SLC9B1: variants seen among roughly 807,000 people sequenced by gnomAD.
The protein encoded by SLC9B1 is solute carrier family 9 member B1, also known as sodium/hydrogen exchanger 9B1.
SLC9B1 carries 32 observed loss-of-function variants against 51.7 expected under a neutral mutation model. The observed-to-expected ratio is 0.62, with a 90% CI of 0.47 to 0.83. The LOEUF (loss-of-function observed/expected upper bound fraction) is 0.83, where lower values mean the gene tolerates loss of function less well. Ranked by LOEUF, SLC9B1 falls within the 40% of genes least tolerant of loss-of-function variation. SLC9B1 has a pLI of 0.00. For missense variants in SLC9B1, 406 were observed against 613.2 expected (o/e 0.66, Z 3.57); for synonymous variants, 145 against 212.7 (o/e 0.68, Z 2.77).
At chr4:103,002,533 T>C (rs1740580344) in intron 1 of SLC9B1, among the ~76,000 whole-genome samples, 1 of 152,202 alleles carries the variant, frequency 6.6e-6, no homozygotes, top group Non-Finnish European at 1.5e-5. Context: ...TTTTGACTTT[T>C]CCATTTTAGA....
intron 4 of SLC9B1, 21 bp from the exon 5 acceptor site, chr4:102,946,810 G>C (rs200006192): frequency 4.5e-6 from 7 of 1,545,998 alleles, no homozygotes; most frequent in Non-Finnish European, 6.1e-6. Context: ...AGAAAATAAA[G>C]ATACATGACA....
downstream of SLC9B1, among the ~76,000 whole-genome samples, chr4:102,898,570 C>T (rs1734645807): frequency 6.6e-6 from 1 of 152,118 alleles, no homozygotes; most frequent in African/African-American, 2.4e-5. Flanking sequence ...TGTGGAATAG[C>T]TCAGAATGTC....
intron 3 of SLC9B1, among the ~76,000 whole-genome samples, chr4:102,988,650 GACAA>G (rs772569976): frequency 6.6e-6 from 1 of 152,018 alleles, no homozygotes; most frequent in African/African-American, 2.4e-5. Context: ...GAGAGAGAGG[GACAA>G]ACAGAGAGAG....
At chr4:102,955,715 T>C (rs548981672) in intron 3 of SLC9B1, among the ~76,000 whole-genome samples, 54 of 151,928 alleles carry the variant, frequency 3.6e-4, no homozygotes, top group Admixed American at 9.9e-4. Flanking sequence ...CAAACCACCA[T>C]GGCACATGTA....
intron 6 of SLC9B1, among the ~76,000 whole-genome samples, chr4:102,938,040 T>A (rs1736809313): frequency 6.6e-6 from 1 of 152,162 alleles, no homozygotes; most frequent in Non-Finnish European, 1.5e-5. Flanking sequence ...TAACTGTGAA[T>A]GTAAACAGTA....
At chr4:102,984,096 A>C (rs1398951438) in intron 3 of SLC9B1, among the ~76,000 whole-genome samples, 1 of 151,622 alleles carries the variant, frequency 6.6e-6, no homozygotes, top group Non-Finnish European at 1.5e-5. Flanking sequence ...CATTTTGTTC[A>C]AAGTACTTGT....
intron 11 of SLC9B1, chr4:102,888,432 C>G (rs1291624987): frequency 6.6e-6 from 1 of 152,146 alleles, no homozygotes; most frequent in African/African-American, 2.4e-5. Flanking sequence ...ATCCCATGCA[C>G]AAATGCTGAT....
rs551009678 is a variant in SLC9B1 at position 102,893,835 on chromosome 4, C to T, written c.1333-8507G>A. Among the ~76,000 whole-genome samples, 4 of 152,162 alleles carry T rather than the reference C, an allele frequency of 2.6e-5. No homozygotes were observed. The East Asian group carries it at 7.7e-4, about 29-fold the overall frequency. On this transcript the variant is annotated intron_variant, in intron 11 of 11. Transcript: ENST00000394789. ...GCTTGAACCCAGGAGGCAGAGGTTG[C>T]AGTGAGCCGAGATCACGCCACTGCA... is the stretch of plus-strand genomic sequence containing the variant.
chr4:102,885,731 G>C (rs981802767), intron 11 of SLC9B1, among the ~76,000 whole-genome samples: 1 of 152,172 alleles, frequency 6.6e-6, no homozygotes, highest in East Asian at 1.9e-4. Context: ...ATGGAAAAAA[G>C]CTTTGGTGTC....
intron 7 of SLC9B1, among the ~76,000 whole-genome samples, chr4:102,924,437 C>CT (rs1176523469): frequency 6.6e-6 from 1 of 152,070 alleles, no homozygotes; most frequent in Admixed American, 6.6e-5. Flanking sequence ...CATGTTAGAC[C>CT]TAAAACCATA....
At position 102,891,272 on chromosome 4, in the gene SLC9B1, T is replaced by C. The variant is rs542850610; in HGVS notation, c.1333-5944A>G. On this transcript the variant is annotated intron_variant, in intron 11 of 11. Coordinates refer to the SLC9B1 transcript ENST00000394789. ...ACTTCACATTGAATTCTAACAAGTT[T>C]GGTTATCTGATTTCTGCTTCTTAAC... 197 of 152,266 alleles carry C rather than the reference T, an allele frequency of 1.3e-3. 1 individual carries two copies. The highest frequency in any genetic ancestry group is 4.6e-3 in the African/African-American group (190 of 41,530). The allele number at this position is 152,266 out of a possible 1,614,324, so 9.4% of individuals were successfully genotyped here.
intron 1 of SLC9B1, among the ~76,000 whole-genome samples, chr4:102,996,460 A>G (rs976504283): frequency 6.6e-6 from 1 of 152,132 alleles, no homozygotes; most frequent in Non-Finnish European, 1.5e-5. Flanking sequence ...CCCATGTAGG[A>G]GAATGTTTAT....
chr4:102,991,529 T>C, intron 2 of SLC9B1, 114 bp downstream of exon 2: 2 of 658,526 alleles, frequency 3.0e-6, no homozygotes, highest in Non-Finnish European at 2.4e-6. Flanking sequence ...ATTTACCACT[T>C]TTCATTTTTA....
intron 1 of SLC9B1, among the ~76,000 whole-genome samples, chr4:102,997,446 A>G (rs1740284706): frequency 6.6e-6 from 1 of 152,176 alleles, no homozygotes; most frequent in Non-Finnish European, 1.5e-5. Flanking sequence ...TATAAAAATT[A>G]TAACTTTAAA....
intron 3 of SLC9B1, among the ~76,000 whole-genome samples, chr4:102,955,899 AAGAG>A (rs58779428): frequency 0.22 from 23,649 of 107,594 alleles, 2,261 homozygotes; most frequent in African/African-American, 0.3. Flanking sequence ...GAAAGAAAGA[AAGAG>A]AGAGAAAGAC....
At chr4:102,961,276 T>C (rs1738102998) in intron 3 of SLC9B1, among the ~76,000 whole-genome samples, 1 of 152,290 alleles carries the variant, frequency 6.6e-6, no homozygotes, top group Non-Finnish European at 1.5e-5. Context: ...TTTATGAAAG[T>C]AATAGAAGAC....
intron 7 of SLC9B1, among the ~76,000 whole-genome samples, chr4:102,920,593 T>C (rs1354735820): frequency 6.6e-6 from 1 of 152,082 alleles, no homozygotes; most frequent in Non-Finnish European, 1.5e-5. Context: ...TTCAGAAGGT[T>C]GGTAATAACA....
chr4:102,993,809 G>A (rs764172088), intron 1 of SLC9B1, among the ~76,000 whole-genome samples: 15 of 152,254 alleles, frequency 9.9e-5, no homozygotes, highest in East Asian at 1.9e-4. Flanking sequence ...TGCACCTGTC[G>A]GCCTAACACC....
At chr4:102,983,515 C>T (rs529323214) in intron 3 of SLC9B1, among the ~76,000 whole-genome samples, 2 of 152,214 alleles carry the variant, frequency 1.3e-5, no homozygotes, top group East Asian at 1.9e-4. Flanking sequence ...TCCACCTGGG[C>T]CCAGTACATT....
Sources: gnomAD v4.1 joint callset for allele counts (sites outside exome capture counted in the v4.1 genomes callset) on GRCh38, gnomAD v4.1.1 for gene constraint, MANE v1.5 for transcripts, NCBI Gene and HGNC (gene_info 2026-07-23, HGNC 2026-07-21) for gene names.